The following HAUS4 variants were observed in gnomAD, a reference collection of about 807,000 sequenced individuals.
HAUS4 encodes the protein HAUS augmin like complex subunit 4, also known as HAUS augmin-like complex subunit 4.
HAUS4 carries 34 observed loss-of-function variants against 50.6 expected under a neutral mutation model. The ratio of observed to expected loss-of-function variants is 0.67; its 90% CI spans 0.51 to 0.90. The LOEUF (loss-of-function observed/expected upper bound fraction) is 0.90. Among genes scored for constraint, HAUS4 ranks in the 40% least tolerant of loss-of-function variants. The probability of loss-of-function intolerance (pLI) is 0.00; values close to 1 mark genes in which losing one functional copy is unlikely to be tolerated. For missense variants in HAUS4, 370 were observed against 428.7 expected (o/e 0.86, Z 1.21); for synonymous variants, 149 against 161.4 (o/e 0.92, Z 0.58).
chr14:22,953,802 T>TC (rs1413854650), intron 2 of HAUS4, among the ~76,000 whole-genome samples: 2 of 151,554 alleles, frequency 1.3e-5, no homozygotes, highest in African/African-American at 4.9e-5. Context: ...TTTTTTTTTT[T>TC]TGTATTTTTA....
Position 22,947,894 on chromosome 14 carries a change from C to G in HAUS4, c.682G>C (p.Glu228Gln), listed in dbSNP as rs1455733127. 6.2e-7 allele frequency: 1 copy of G among 1,614,006 alleles called. No homozygotes were observed. Among genetic ancestry groups the G allele is most frequent in the Non-Finnish European group, 8.5e-7 (1 of 1,179,946 alleles). ...SQQKEQMLLL[E>Q]KKSAAYSQVL... ...TGGGAGTAAGCAGCACTCTTCTTCT[C>G]CAGCAGCAACATCTGCTCCTTCTGC... Residue 228 changes from glutamate (E) to glutamine (Q), a missense_variant, in exon 7 of 10, where the codon GAG becomes CAG. Coordinates refer to ENST00000541587, the MANE Select transcript of HAUS4 (RefSeq NM_001166269.2).
chr14:22,946,989 T>G (rs1389516047), intron 9 of HAUS4, among the ~76,000 whole-genome samples, 182 bp downstream of exon 9: 3 of 152,114 alleles, frequency 2.0e-5, no homozygotes, highest in African/African-American at 7.2e-5. Flanking sequence ...TTCACCATAT[T>G]GGCCAGGCTG....
intron 9 of HAUS4, 72 bp from the exon 10 acceptor site, chr14:22,946,780 A>AATTT: frequency 9.9e-7 from 1 of 1,013,290 alleles, no homozygotes; most frequent in Non-Finnish European, 1.4e-6. Flanking sequence ...AAAATGAAAA[A>AATTT]CTTTTTTTTT....
intron 4 of HAUS4, among the ~76,000 whole-genome samples, 194 bp downstream of exon 4, chr14:22,952,134 C>T (rs921416955): frequency 6.6e-6 from 1 of 152,226 alleles, no homozygotes; most frequent in Non-Finnish European, 1.5e-5. Flanking sequence ...TCTGCTGCCT[C>T]AGCCTCCCGA....
intron 6 of HAUS4, among the ~76,000 whole-genome samples, chr14:22,949,794 T>G (rs8020125): frequency 0.023 from 3,567 of 152,042 alleles, 138 homozygotes; most frequent in African/African-American, 0.081. Flanking sequence ...AGGAGGACAC[T>G]CCCACTCAGT....
intron 2 of HAUS4, 84 bp from the exon 3 acceptor site, chr14:22,952,767 C>A: frequency 9.3e-7 from 1 of 1,078,086 alleles, no homozygotes; most frequent in Non-Finnish European, 1.3e-6. Context: ...CTTAATACTT[C>A]CAAAAAACCC....
chr14:22,951,175 T>G (rs967415333), intron 5 of HAUS4, among the ~76,000 whole-genome samples: 9 of 146,152 alleles, frequency 6.2e-5, no homozygotes, highest in Non-Finnish European at 1.2e-4. Flanking sequence ...TTTTGTTTTG[T>G]TTTTTTTTTG....
At chr14:22,948,237 CCAAGAGTTCAAGACCGGCTTGGGCA>C in intron 6 of HAUS4, 2 of 518,564 alleles carry the variant, frequency 3.9e-6, no homozygotes, top group Non-Finnish European at 6.7e-6. Flanking sequence ...TTGCTTGAGC[CCAAGAGTTCAAGACCGGCTTGGGCA>C]ACATAGTGAG....
Position 22,947,898 on chromosome 14 carries a change from C to T in HAUS4, c.678G>A (p.Leu226=), listed in dbSNP as rs1423314550. 6.2e-7 allele frequency: 1 copy of T among 1,614,018 alleles called. No homozygotes were observed. The highest frequency in any genetic ancestry group is 2.2e-5 in the East Asian group (1 of 44,882). The change falls in exon 7 of 10, where the codon CTG becomes CTA. Residue 226 remains leucine, a synonymous_variant. Coordinates refer to ENST00000541587, the MANE Select transcript of HAUS4 (RefSeq NM_001166269.2). ...AKSQQKEQML[L]LEKKSAAYSQ... is the part of the protein sequence containing the mutation. The stretch of plus-strand genomic sequence containing the variant: ...AGTAAGCAGCACTCTTCTTCTCCAG[C>T]AGCAACATCTGCTCCTTCTGCTGGC...
chr14:22,946,739 A>G (rs1269817723), intron 9 of HAUS4, 31 bp from the exon 10 acceptor site: 12 of 1,500,358 alleles, frequency 8.0e-6, no homozygotes, highest in Non-Finnish European at 1.0e-5. Flanking sequence ...GGCACAATAT[A>G]AGGGTGCTGC....
intron 2 of HAUS4, among the ~76,000 whole-genome samples, 154 bp downstream of exon 2, chr14:22,954,946 C>T (rs1409398871): frequency 4.6e-5 from 7 of 151,986 alleles, no homozygotes; most frequent in African/African-American, 9.7e-5. Flanking sequence ...AGGATGGTCT[C>T]GATCTCCTGA....
At chr14:22,954,157 T>C (rs2044815665) in intron 2 of HAUS4, among the ~76,000 whole-genome samples, 1 of 152,182 alleles carries the variant, frequency 6.6e-6, no homozygotes. Context: ...GTGTAAGAAA[T>C]TGAGATCCTC....
chr14:22,950,135 A>C (rs955334497), intron 6 of HAUS4, among the ~76,000 whole-genome samples, 179 bp downstream of exon 6: 1 of 151,626 alleles, frequency 6.6e-6, no homozygotes. Flanking sequence ...TCTCAAAAAA[A>C]AAAAAAAACA....
intron 6 of HAUS4, among the ~76,000 whole-genome samples, chr14:22,949,315 G>C (rs2044706384): frequency 6.6e-6 from 1 of 151,792 alleles, no homozygotes. Context: ...AGATCATGAG[G>C]TCAGGAGACT....
chr14:22,955,057 C>T (rs2044834150), intron 2 of HAUS4, 43 bp downstream of exon 2: 1 of 1,406,082 alleles, frequency 7.1e-7, no homozygotes, highest in African/African-American at 1.4e-5. Flanking sequence ...GATAAGACCT[C>T]TCTGGATAAA....
At chr14:22,951,462 C>T in intron 5 of HAUS4, 93 bp downstream of exon 5, 1 of 1,440,930 alleles carries the variant, frequency 6.9e-7, no homozygotes, top group South Asian at 1.2e-5. Flanking sequence ...ATCATTTTTA[C>T]AAAAACAATA....
In HAUS4 at chr14:22,951,700, G is replaced by C. The variant is rs1022719768; in HGVS notation, c.331-11C>G. The C allele has an allele frequency of 5.7e-6, 9 of 1,583,774 alleles. No homozygotes were observed. In the African/African-American group the frequency reaches 1.2e-4, roughly 22 times the overall value. ...AAGGGTCTCATGAAACTGAGAGAGA[G>C]AGAATAAAAAACAAAAAGAGGCAAC... On this transcript the variant is annotated splice_polypyrimidine_tract_variant and intron_variant, in intron 4 of 9. Coordinates refer to ENST00000541587, the MANE Select transcript of HAUS4 (RefSeq NM_001166269.2).
intron 5 of HAUS4, 85 bp from the exon 6 acceptor site, chr14:22,950,495 CAAT>C: frequency 1.4e-6 from 1 of 718,870 alleles, no homozygotes; most frequent in East Asian, 2.6e-5. Context: ...ATGATAACCT[CAAT>C]AATAGCCAAA....
chr14:22,956,993 A>G lies in HAUS4; in HGVS notation c.-100T>C, dbSNP rs1329663826. On this transcript the variant is annotated 5_prime_UTR_variant, in exon 1 of 10. Transcript: ENST00000541587. ...TGGGGCGGGCTGGCCAGCAGCGTCT[A>G]CACCCCAGAACCCGCCCGCGCCGGG... is the stretch of plus-strand genomic sequence containing the variant. 6.5e-6 allele frequency: 1 copy of G among 154,354 alleles called. No homozygotes were observed. The highest frequency in any genetic ancestry group is 6.5e-5 in the Admixed American group (1 of 15,286). 9.6% of individuals were successfully genotyped at this position (154,354 alleles called of 1,614,324 possible). A position where few individuals can be genotyped will look rare whatever the true frequency, so the allele number is the denominator to read the frequency against.
Sources: gnomAD v4.1 joint callset for allele counts (sites outside exome capture counted in the v4.1 genomes callset) on GRCh38, gnomAD v4.1.1 for gene constraint, MANE v1.5 for transcripts, NCBI Gene and HGNC (gene_info 2026-07-23, HGNC 2026-07-21) for gene names.